The following BARD1 variants were observed in gnomAD, a reference collection of about 807,000 sequenced individuals.
BARD1 encodes the protein BRCA1-associated RING domain protein 1.
In BARD1, 73 loss-of-function variants were observed where a neutral mutation model predicts 77.0. The ratio of observed to expected loss-of-function variants is 0.95; its 90% CI spans 0.79 to 1.15. BARD1 has a LOEUF of 1.15. Among genes scored for constraint, BARD1 ranks in the 50% most tolerant of loss-of-function variants. BARD1 has a pLI of 0.00. For synonymous variants in BARD1, 384 were observed against 338.0 expected (o/e 1.14, Z -1.49); for missense variants, 993 against 938.8 (o/e 1.06, Z -0.75).
Position 214,728,935 on chromosome 2 carries a change from A to G in BARD1, c.2075T>C (p.Ile692Thr), listed in dbSNP as rs587782555. The part of the protein sequence containing the change: ...TFKHHPKDNL[I>T]KLVTAGGGQI... The stretch of plus-strand genomic sequence containing the variant: ...GCCCCCACCTGCAGTGACGAGCTTA[A>G]TAAGGTTGTCCTTTGGATGGTGTTT... The change falls in exon 11 of 11, where the codon ATT (isoleucine) becomes ACT (threonine). Residue 692 changes from isoleucine (I) to threonine (T), a missense_variant. Ile to Thr is a moderately conservative substitution (Grantham distance 89, BLOSUM62 -1). Coordinates refer to ENST00000260947, the MANE Select transcript of BARD1 (RefSeq NM_000465.4). The G allele has an allele frequency of 2.5e-5, 41 of 1,614,092 alleles. No homozygotes were observed. Among genetic ancestry groups the G allele is most frequent in the Non-Finnish European group, 3.5e-5 (41 of 1,180,024 alleles).
chr2:214,798,331 T>C (rs1166464322), intron 1 of BARD1, among the ~76,000 whole-genome samples: 6 of 152,178 alleles, frequency 3.9e-5, no homozygotes, highest in African/African-American at 1.4e-4. Flanking sequence ...TATCACAGTA[T>C]GTAAAACGTA....
chr2:214,730,985 C>A, intron 9 of BARD1: 1 of 448,962 alleles, frequency 2.2e-6, no homozygotes, highest in South Asian at 1.6e-5. Flanking sequence ...AAGGAATGTG[C>A]TTTAGTCTAC....
At chr2:214,783,054 G>T (rs766225033) in intron 3 of BARD1, among the ~76,000 whole-genome samples, 3 of 152,148 alleles carry the variant, frequency 2.0e-5, no homozygotes, top group Non-Finnish European at 2.9e-5. Context: ...ATTATCAGGG[G>T]ACTGGTTCGA....
rs1692125092 is a variant in BARD1 at position 214,727,350 on chromosome 2, T to A, written c.*1326A>T. On this transcript the variant is annotated 3_prime_UTR_variant, in exon 11 of 11. Transcript: ENST00000260947. ...TATTTTAAAACTAGGGATATTCTATTCTGGTAGTTATCAAACTGTCCTCTT... is the reference window on the plus strand; with the variant it reads ...TATTTTAAAACTAGGGATATTCTATACTGGTAGTTATCAAACTGTCCTCTT... The A allele has an allele frequency of 4.3e-6, 1 of 232,002 alleles. No individual in the cohort carries two copies. Among genetic ancestry groups the A allele is most frequent in the East Asian group, 6.1e-5 (1 of 16,356 alleles). 14.4% of individuals were successfully genotyped at this position (232,002 alleles called of 1,614,324 possible).
At chr2:214,742,727 A>C (rs1692901392) in intron 9 of BARD1, among the ~76,000 whole-genome samples, 1 of 152,244 alleles carries the variant, frequency 6.6e-6, no homozygotes, top group Non-Finnish European at 1.5e-5. Flanking sequence ...TATGGAAATA[A>C]ATCATGTAGC....
chr2:214,741,272 G>C (rs1483336025), intron 9 of BARD1, among the ~76,000 whole-genome samples: 1 of 151,934 alleles, frequency 6.6e-6, no homozygotes, highest in African/African-American at 2.4e-5. Flanking sequence ...GGGGAAGAGG[G>C]AAAGATTATT....
At chr2:214,796,853 G>A in intron 2 of BARD1, 1 of 567,896 alleles carries the variant, frequency 1.8e-6, no homozygotes, top group Non-Finnish European at 3.2e-6. Context: ...TTGTAACTTG[G>A]ACAAGTCATC....
intron 10 of BARD1, 32 bp from the exon 11 acceptor site, chr2:214,729,040 A>C (rs1692233148): frequency 6.3e-7 from 1 of 1,598,452 alleles, no homozygotes; most frequent in Non-Finnish European, 8.6e-7. Context: ...TGTTAAAGGC[A>C]GATCAAAATA....
chr2:214,745,033 T>G, intron 9 of BARD1, 34 bp downstream of exon 9: 1 of 1,569,220 alleles, frequency 6.4e-7, no homozygotes, highest in Non-Finnish European at 8.8e-7. Context: ...ACTAGTCTAA[T>G]TCATTTCTTA....
In BARD1 at chr2:214,752,563, A is replaced by ATTTCTTTTGAG; in HGVS notation, c.1569-9_1569-8insCTCAAAAGAAA. On this transcript the variant is annotated splice_polypyrimidine_tract_variant and intron_variant, in intron 6 of 10. Coordinates refer to ENST00000260947, the MANE Select transcript of BARD1 (RefSeq NM_000465.4). ...CGCAGACCAAATATATTACTGGTAA[A>ATTTCTTTTGAG]ATAAGTGCAGATGTGTTTAAGTAAG... 1 of 1,601,944 alleles carries ATTTCTTTTGAG rather than the reference A, an allele frequency of 6.2e-7. No individual in the cohort carries two copies. Among genetic ancestry groups the ATTTCTTTTGAG allele is most frequent in the Non-Finnish European group, 8.6e-7 (1 of 1,169,090 alleles).
At chr2:214,751,267 C>T (rs1236720436) in intron 7 of BARD1, among the ~76,000 whole-genome samples, 1 of 140,184 alleles carries the variant, frequency 7.1e-6, no homozygotes, top group Middle Eastern at 4.2e-3. Context: ...AATCAATTAT[C>T]GTGCCTCAGT....
In BARD1 at chr2:214,780,948, G is replaced by A. The variant is rs1236791029; in HGVS notation, c.926C>T (p.Thr309Ile). The change falls in exon 4 of 11, where the codon ACA becomes ATA. Residue 309 changes from threonine to isoleucine, a missense_variant. By Grantham distance (89) the Thr-to-Ile change is moderately conservative (BLOSUM62 -1). Transcript: ENST00000260947. ...TTCTAATGGCAAAGATTTCTTAGAT[G>A]TAAGATAATTTTTGCAGACCTTCTC... ...TPEKVCKNYL[T>I]SKKSLPLENN... 5 of 1,613,790 alleles carry A rather than the reference G, an allele frequency of 3.1e-6. No homozygotes were observed. Among genetic ancestry groups the A allele is most frequent in the Admixed American group, 1.7e-5 (1 of 59,926 alleles).
At chr2:214,748,408 G>T (rs1693245191) in intron 7 of BARD1, among the ~76,000 whole-genome samples, 1 of 151,974 alleles carries the variant, frequency 6.6e-6, no homozygotes, top group African/African-American at 2.4e-5. Context: ...ATTTTATAGA[G>T]ATTAGATACT....
chr2:214,785,960 G>C lies in BARD1; in HGVS notation c.365-4451C>G, dbSNP rs1695255561. Among the ~76,000 whole-genome samples, 2 of 151,824 alleles carry C rather than the reference G, an allele frequency of 1.3e-5. 1 individual carries two copies. The highest frequency in any genetic ancestry group is 4.8e-5 in the African/African-American group (2 of 41,318). On this transcript the variant is annotated intron_variant, in intron 3 of 10. Coordinates refer to ENST00000260947, the MANE Select transcript of BARD1 (RefSeq NM_000465.4). The stretch of plus-strand genomic sequence containing the variant: ...AGAGACAGAGAAAAAGAGAGAAAAA[G>C]AAACTACCCAAATTTTGTTTTCCTC...
chr2:214,750,430 C>A (rs1195752555), intron 7 of BARD1, among the ~76,000 whole-genome samples: 2 of 152,188 alleles, frequency 1.3e-5, no homozygotes, highest in Non-Finnish European at 2.9e-5. Flanking sequence ...AAACACACGT[C>A]ATACTCCTCT....
intron 6 of BARD1, among the ~76,000 whole-genome samples, chr2:214,755,898 T>C (rs1559398221): frequency 6.6e-6 from 1 of 152,146 alleles, no homozygotes; most frequent in Admixed American, 6.5e-5. Context: ...TTGGAATATA[T>C]GAAAATGTCG....
chr2:214,731,234 T>C (rs1259845619), intron 9 of BARD1: 1 of 165,572 alleles, frequency 6.0e-6, no homozygotes, highest in Non-Finnish European at 1.3e-5. Context: ...TGGCACTGTT[T>C]AGAGTCATTC....
intron 9 of BARD1, among the ~76,000 whole-genome samples, chr2:214,744,160 T>C (rs943752442): frequency 6.6e-6 from 1 of 152,082 alleles, no homozygotes; most frequent in African/African-American, 2.4e-5. Flanking sequence ...CAAGTAGAAA[T>C]GTAAATGAGT....
intron 7 of BARD1, among the ~76,000 whole-genome samples, chr2:214,746,757 A>G (rs1174353439): frequency 2.6e-5 from 4 of 152,176 alleles, no homozygotes; most frequent in Non-Finnish European, 5.9e-5. Context: ...AAACCCTAGA[A>G]GAAAACGTAG....
Sources: gnomAD v4.1 joint callset for allele counts (sites outside exome capture counted in the v4.1 genomes callset) on GRCh38, gnomAD v4.1.1 for gene constraint, MANE v1.5 for transcripts, NCBI Gene and HGNC (gene_info 2026-07-23, HGNC 2026-07-21) for gene names.